The following SLC38A9 variants were observed in gnomAD, a reference collection of about 807,000 sequenced individuals.
SLC38A9 encodes the protein neutral amino acid transporter 9.
Under a neutral mutation model 62.3 loss-of-function variants are expected in SLC38A9, and 48 were observed. The observed-to-expected ratio is 0.77, with a 90% CI of 0.61 to 0.98. The LOEUF (loss-of-function observed/expected upper bound fraction) is 0.98. Ranked by LOEUF, SLC38A9 falls within the 50% of genes least tolerant of loss-of-function variation. The pLI is 0.00. For missense variants in SLC38A9, 541 were observed against 679.8 expected (o/e 0.80, Z 2.27); for synonymous variants, 204 against 227.7 (o/e 0.90, Z 0.94).
chr5:55,650,617 A>C (rs1386510759), intron 10 of SLC38A9, among the ~76,000 whole-genome samples: 1 of 152,222 alleles, frequency 6.6e-6, no homozygotes, highest in Non-Finnish European at 1.5e-5. Context: ...GAAAGGATGA[A>C]AACAGGACGC....
chr5:55,645,741 A>G, intron 12 of SLC38A9, 48 bp downstream of exon 12: 1 of 1,318,538 alleles, frequency 7.6e-7, no homozygotes, highest in East Asian at 2.4e-5. Flanking sequence ...GACTTAAAAA[A>G]TTTATCCTCG....
At chr5:55,676,468 A>G (rs13165328) in intron 3 of SLC38A9, among the ~76,000 whole-genome samples, 91,082 of 152,112 alleles carry the variant, frequency 0.6, 27,868 homozygotes, top group South Asian at 0.7. Flanking sequence ...AAGAGTCACC[A>G]TACTGGCCTA....
chr5:55,677,382 C>T (rs980412157), intron 3 of SLC38A9, among the ~76,000 whole-genome samples: 37 of 152,130 alleles, frequency 2.4e-4, no homozygotes, highest in Admixed American at 2.0e-4. Context: ...TTGTAAACTT[C>T]CACCCAGTGT....
intron 14 of SLC38A9, among the ~76,000 whole-genome samples, chr5:55,629,989 T>A (rs1743145952): frequency 6.6e-6 from 1 of 152,166 alleles, no homozygotes. Context: ...TACAAAATCA[T>A]GCATGCGTAA....
intron 2 of SLC38A9, among the ~76,000 whole-genome samples, chr5:55,706,070 C>T (rs554843149): frequency 6.6e-6 from 1 of 152,186 alleles, no homozygotes; most frequent in African/African-American, 2.4e-5. Flanking sequence ...CCTGGGTATC[C>T]GGATTACACA....
chr5:55,699,280 A>G (rs1756335491), intron 2 of SLC38A9, among the ~76,000 whole-genome samples: 1 of 152,132 alleles, frequency 6.6e-6, no homozygotes, highest in Admixed American at 6.5e-5. Flanking sequence ...AAACACCCAA[A>G]ACTACTGACC....
chr5:55,675,432 G>A (rs1053346348), intron 3 of SLC38A9: 1 of 132,586 alleles, frequency 7.5e-6, no homozygotes, highest in East Asian at 2.2e-4. Context: ...TATGCTTAAA[G>A]CTTCATTTGA....
At chr5:55,651,973 CA>C (rs1458694656) in intron 10 of SLC38A9, among the ~76,000 whole-genome samples, 4 of 147,196 alleles carry the variant, frequency 2.7e-5, no homozygotes, top group East Asian at 3.9e-4. Flanking sequence ...AAAAAAAAAA[CA>C]CACACACACA....
chr5:55,651,447 A>G (rs1349917747), intron 10 of SLC38A9, among the ~76,000 whole-genome samples: 8 of 151,460 alleles, frequency 5.3e-5, no homozygotes, highest in African/African-American at 1.9e-4. Flanking sequence ...ACAGGGTTTC[A>G]CCATCTTGGC....
rs1034962815 is a variant in SLC38A9 at position 55,672,596 on chromosome 5, G to C, written c.213C>G (p.Tyr71Ter). 3 of 1,614,020 alleles carry C rather than the reference G, an allele frequency of 1.9e-6. No individual in the cohort carries two copies. The African/African-American group carries it at 4.0e-5, about 22-fold the overall frequency. ...TGTCTGCAGGAGTGGTGAGCCGGCT[G>C]TAGTAATGAATTCTCTTGTTCATGG... Reference protein sequence around the residue: ...ASAMNKRIHYYSRLTTPADKA... With the variant: ...ASAMNKRIHY Residue 71 changes from tyrosine to a stop codon, truncating the protein, a stop_gained, in exon 4 of 16, where the codon TAC becomes TAG. Coordinates refer to ENST00000396865, the MANE Select transcript of SLC38A9 (RefSeq NM_173514.4). LOFTEE classifies it high-confidence loss of function.
At chr5:55,691,040 A>G (rs528038863) in intron 3 of SLC38A9, 2 of 630,008 alleles carry the variant, frequency 3.2e-6, no homozygotes, top group African/African-American at 3.6e-5. Context: ...TGCACGCTAG[A>G]GGACATTATA....
chr5:55,709,791 C>A (rs1260381462), intron 2 of SLC38A9, among the ~76,000 whole-genome samples: 1 of 151,662 alleles, frequency 6.6e-6, no homozygotes, highest in Non-Finnish European at 1.5e-5. Flanking sequence ...ACTGGCTGGG[C>A]GTGTGTGGCA....
rs993848186 is a variant in SLC38A9 at position 55,633,984 on chromosome 5, T to C, written c.1282-82A>G. The stretch of plus-strand genomic sequence containing the variant: ...ATAAAATGGAATGTCTTCTGCTTAT[T>C]TTGAACACAGGTGCTACTCCGATTG... On this transcript the variant is annotated intron_variant, in intron 13 of 15. Coordinates refer to ENST00000396865, the MANE Select transcript of SLC38A9 (RefSeq NM_173514.4). 4 of 1,092,738 alleles carry C rather than the reference T, an allele frequency of 3.7e-6. No homozygotes were observed. The African/African-American group carries it at 6.4e-5, about 17-fold the overall frequency. The allele number at this position is 1,092,738 out of a possible 1,614,324, so 67.7% of individuals were successfully genotyped here. A position where few individuals can be genotyped will look rare whatever the true frequency, so the allele number is the denominator to read the frequency against.
At chr5:55,638,749 G>GT (rs1440131569) in intron 12 of SLC38A9, among the ~76,000 whole-genome samples, 125 of 152,240 alleles carry the variant, frequency 8.2e-4, no homozygotes, top group African/African-American at 2.9e-3. Flanking sequence ...GTAAACCACA[G>GT]ATTCATATGA....
intron 3 of SLC38A9, among the ~76,000 whole-genome samples, chr5:55,694,453 C>T (rs993300783): frequency 2.6e-5 from 4 of 151,686 alleles, no homozygotes; most frequent in Admixed American, 6.6e-5. Flanking sequence ...GGAAATGTTA[C>T]AGCACCAGGG....
chr5:55,708,708 A>C (rs553130999), intron 2 of SLC38A9, among the ~76,000 whole-genome samples: 1 of 152,316 alleles, frequency 6.6e-6, no homozygotes, highest in Non-Finnish European at 1.5e-5. Flanking sequence ...ATTTATACTC[A>C]GTGTCCTAGG....
In SLC38A9 at chr5:55,625,868, CTTTA is replaced by C. The variant is rs145634852; in HGVS notation, c.*622_*625del. 7,462 of 152,510 alleles carry C rather than the reference CTTTA, an allele frequency of 0.049. 310 individuals carry two copies. The highest frequency in any genetic ancestry group is 0.12 in the African/African-American group (4,791 of 41,520). 9.4% of individuals were successfully genotyped at this position (152,510 alleles called of 1,614,324 possible). A position where few individuals can be genotyped will look rare whatever the true frequency, so the allele number is the denominator to read the frequency against. On this transcript the variant is annotated 3_prime_UTR_variant, in exon 16 of 16. Transcript: ENST00000396865. Reference sequence around the variant, plus strand: ...AGTTAGACAGCAACAAACTCTCCTACTTTATTTATTTTGTATACATTTCATGATC... The same window carrying C: ...AGTTAGACAGCAACAAACTCTCCTACTTTATTTTGTATACATTTCATGATC...
intron 12 of SLC38A9, among the ~76,000 whole-genome samples, chr5:55,641,003 A>AT (rs1384325991): frequency 7.9e-5 from 12 of 151,468 alleles, no homozygotes; most frequent in Non-Finnish European, 1.2e-4. Flanking sequence ...CGCCCAGCTA[A>AT]TTTTTTTTGT....
Position 55,645,790 on chromosome 5 carries a change from T to C in SLC38A9, c.1166A>G (p.Asn389Ser), listed in dbSNP as rs139618367. 8.8e-6 allele frequency: 14 copies of C among 1,592,070 alleles called. No homozygotes were observed. Among genetic ancestry groups the C allele is most frequent in the East Asian group, 2.2e-5 (1 of 44,750 alleles). Residue 389 changes from asparagine (N) to serine (S), a missense_variant and splice_region_variant, in exon 12 of 16, where the codon AAT becomes AGT. Asn to Ser is a conservative substitution (Grantham distance 46). Transcript: ENST00000396865. Reference protein sequence around the residue: ...LLKNNKKQENNVRDLCIAYML... With the variant: ...LLKNNKKQENSVRDLCIAYML... ...TCAATTCCAAAGATAATTACTCACA[T>C]TGTTTTCTTGTTTCTTGTTGTTCTT... is the stretch of plus-strand genomic sequence containing the variant.
Sources: allele counts gnomAD v4.1 joint callset (sites outside exome capture counted in the v4.1 genomes callset), GRCh38; gene constraint gnomAD v4.1.1; transcripts MANE v1.5; gene names NCBI Gene and HGNC (gene_info 2026-07-23, HGNC 2026-07-21).